The following CRB1 variants were observed in gnomAD, a reference collection of about 807,000 sequenced individuals.
CRB1 encodes crumbs cell polarity complex component 1.
CRB1 carries 83 observed loss-of-function variants against 120.0 expected under a neutral mutation model. The ratio of observed to expected loss-of-function variants is 0.69; its 90% CI spans 0.58 to 0.83. CRB1 has a LOEUF of 0.83. Ranked by LOEUF, CRB1 falls within the 40% of genes least tolerant of loss-of-function variation. The pLI is 0.00. For missense variants in CRB1, 1,699 were observed against 1,687.6 expected, an observed-to-expected ratio of 1.01 and a Z score of -0.12; for synonymous variants, 625 against 612.5, an observed-to-expected ratio of 1.02 and a Z score of -0.30.
At chr1:197,306,053 T>C (rs993820966) in intron 1 of CRB1, among the ~76,000 whole-genome samples, 1 of 152,028 alleles carries the variant, frequency 6.6e-6, no homozygotes, top group Non-Finnish European at 1.5e-5. Flanking sequence ...AGTCCTAATA[T>C]TGGTAAAGAG....
chr1:197,380,102 T>C (rs1661871707), intron 5 of CRB1, among the ~76,000 whole-genome samples: 1 of 152,250 alleles, frequency 6.6e-6, no homozygotes, highest in Admixed American at 6.5e-5. Flanking sequence ...CGAGATTTTC[T>C]ACTTAACACC....
chr1:197,309,604 A>C (rs1433731688), intron 1 of CRB1, among the ~76,000 whole-genome samples: 1 of 151,940 alleles, frequency 6.6e-6, no homozygotes, highest in Non-Finnish European at 1.5e-5. Flanking sequence ...AATACAAAAA[A>C]TTAGCTGGGC....
chr1:197,294,962 G>A (rs1298713186), intron 1 of CRB1, among the ~76,000 whole-genome samples: 2 of 152,014 alleles, frequency 1.3e-5, no homozygotes, highest in African/African-American at 2.4e-5. Context: ...TGTAAATGAC[G>A]AGTTAATGGG....
chr1:197,252,616 T>G, the CRB1 span, among the ~76,000 whole-genome samples: 6 of 83,696 alleles, frequency 7.2e-5, no homozygotes, highest in African/African-American at 1.6e-4. Flanking sequence ...GTGTGTGTGA[T>G]ATATATATGT....
intron 5 of CRB1, among the ~76,000 whole-genome samples, chr1:197,405,192 T>C (rs919346549): frequency 3.9e-5 from 6 of 152,034 alleles, no homozygotes; most frequent in Non-Finnish European, 7.4e-5. Context: ...TCTCCTGCCT[T>C]AGCCTGCCGA....
intron 2 of CRB1, among the ~76,000 whole-genome samples, chr1:197,332,958 C>T (rs1658950377): frequency 6.6e-6 from 1 of 152,158 alleles, no homozygotes; most frequent in Admixed American, 6.5e-5. Flanking sequence ...AAAAGACCAT[C>T]AGCAATCAGC....
chr1:197,356,807 C>T, intron 4 of CRB1, 24 bp from the exon 5 acceptor site: 1 of 1,613,630 alleles, frequency 6.2e-7, no homozygotes, highest in Non-Finnish European at 8.5e-7. Flanking sequence ...GACTTAGCAG[C>T]TTCTCTGAAT....
the CRB1 span, among the ~76,000 whole-genome samples, chr1:197,246,049 C>T: frequency 6.6e-6 from 1 of 151,962 alleles, no homozygotes; most frequent in African/African-American, 2.4e-5. Flanking sequence ...GTTGGGCGTG[C>T]CAGGAAATTC....
chr1:197,306,736 G>C (rs1421061255), intron 1 of CRB1, among the ~76,000 whole-genome samples: 1 of 152,142 alleles, frequency 6.6e-6, no homozygotes, highest in African/African-American at 2.4e-5. Flanking sequence ...ACACAGAAAG[G>C]CATGAAGTAA....
chr1:197,470,175 T>C (rs112260035), intron 11 of CRB1, among the ~76,000 whole-genome samples: 2 of 152,216 alleles, frequency 1.3e-5, no homozygotes, highest in Non-Finnish European at 2.9e-5. Context: ...GAACAGACAC[T>C]GTTCCAGGTG....
intron 11 of CRB1, among the ~76,000 whole-genome samples, chr1:197,451,455 G>A (rs913225692): frequency 3.3e-5 from 5 of 152,200 alleles, no homozygotes; most frequent in East Asian, 1.9e-4. Context: ...TCATTAATAC[G>A]TTGGACCATG....
At chr1:197,309,586 C>G (rs1229820564) in intron 1 of CRB1, among the ~76,000 whole-genome samples, 2 of 151,878 alleles carry the variant, frequency 1.3e-5, no homozygotes, top group African/African-American at 2.4e-5. Context: ...AAACCTGTCT[C>G]TACTAAAAAT....
chr1:197,441,242 G>A (rs1571569958), intron 10 of CRB1: 1 of 152,164 alleles, frequency 6.6e-6, no homozygotes, highest in Non-Finnish European at 1.5e-5. Flanking sequence ...TAAAATAGCC[G>A]CCTTAGTTGC....
chr1:197,379,618 A>C (rs935445685), intron 5 of CRB1, among the ~76,000 whole-genome samples: 6 of 151,798 alleles, frequency 4.0e-5, no homozygotes, highest in African/African-American at 9.7e-5. Flanking sequence ...AAAAAAAAAA[A>C]AAAAAAAAAA....
chr1:197,326,838 G>A lies in CRB1; in HGVS notation c.71-1584G>A, dbSNP rs375618419. On this transcript the variant is annotated intron_variant, in intron 1 of 11. Coordinates refer to ENST00000367400, the MANE Select transcript of CRB1 (RefSeq NM_201253.3). Reference sequence around the variant, plus strand: ...TCCATTGTTAGGCTTTCTATGTAAGGGTACTCGTGTTTTTTTGTTTGTTTA... The same window carrying A: ...TCCATTGTTAGGCTTTCTATGTAAGAGTACTCGTGTTTTTTTGTTTGTTTA... 2.6e-5 allele frequency among the ~76,000 whole-genome samples: 4 copies of A among 151,288 alleles called. No homozygotes were observed. The East Asian group carries it at 5.8e-4, about 22-fold the overall frequency.
chr1:197,392,032 A>C (rs1007363450), intron 5 of CRB1, among the ~76,000 whole-genome samples: 1 of 152,060 alleles, frequency 6.6e-6, no homozygotes, highest in African/African-American at 2.4e-5. Context: ...GAATGAGGCC[A>C]GCAGAGGGCT....
At chr1:197,398,840 T>A (rs1662907814) in intron 5 of CRB1, among the ~76,000 whole-genome samples, 1 of 149,352 alleles carries the variant, frequency 6.7e-6, no homozygotes, top group African/African-American at 2.5e-5. Flanking sequence ...AGGGGTAAAA[T>A]CCCAAGGACA....
At chr1:197,416,407 C>A (rs1032844223) in intron 5 of CRB1, among the ~76,000 whole-genome samples, 1 of 152,144 alleles carries the variant, frequency 6.6e-6, no homozygotes, top group Non-Finnish European at 1.5e-5. Context: ...TGGGAACATA[C>A]TATGTACAAT....
At chr1:197,246,068 C>G in the CRB1 span, among the ~76,000 whole-genome samples, 3 of 151,992 alleles carry the variant, frequency 2.0e-5, no homozygotes, top group Admixed American at 2.0e-4. Context: ...TCAGGTTCCC[C>G]AGGTAGTCTA....
Sources: allele counts gnomAD v4.1 joint callset (sites outside exome capture counted in the v4.1 genomes callset), GRCh38; gene constraint gnomAD v4.1.1; transcripts MANE v1.5; gene names NCBI Gene and HGNC (gene_info 2026-07-23, HGNC 2026-07-21).